The following EDN1 variants were observed in gnomAD, a reference collection of about 807,000 sequenced individuals.
The protein encoded by EDN1 is endothelin 1.
Under a neutral mutation model 21.7 loss-of-function variants are expected in EDN1, and 11 were observed. The ratio of observed to expected loss-of-function variants is 0.51; its 90% confidence interval spans 0.32 to 0.84. EDN1 has a LOEUF of 0.84. Among genes scored for constraint, EDN1 ranks in the 40% least tolerant of loss-of-function variants. The probability of loss-of-function intolerance (pLI) is 0.03; values close to 1 mark genes in which losing one functional copy is unlikely to be tolerated. For synonymous variants in EDN1, 85 were observed against 90.6 expected (o/e 0.94, Z 0.35); for missense variants, 244 against 262.3 (o/e 0.93, Z 0.48).
the EDN1 span, among the ~76,000 whole-genome samples, chr6:12,237,970 G>T: frequency 6.6e-6 from 1 of 152,072 alleles, no homozygotes; most frequent in East Asian, 1.9e-4. Flanking sequence ...AGGAGTTCAA[G>T]ACCAACCTGG....
chr6:12,234,379 G>A, the EDN1 span, among the ~76,000 whole-genome samples: 2 of 152,296 alleles, frequency 1.3e-5, no homozygotes, highest in African/African-American at 4.8e-5. Flanking sequence ...CCCCTTTCAT[G>A]GGGTGAATCC....
At position 12,290,429 on chromosome 6, in the gene EDN1, C is replaced by G; in HGVS notation, c.-201C>G. 1.7e-6 allele frequency: 1 copy of G among 598,722 alleles called. No homozygotes were observed. Among genetic ancestry groups the G allele is most frequent in the Non-Finnish European group, 3.0e-6 (1 of 337,462 alleles). 37.1% of individuals were successfully genotyped at this position (598,722 alleles called of 1,614,324 possible). ...TCCTGCAGTCCCAGCTCTCCACCGC[C>G]GCGTGCGCCTGCAGACGCTCCGCTC... On this transcript the variant is annotated 5_prime_UTR_variant, in exon 1 of 5. Coordinates refer to ENST00000379375, the MANE Select transcript of EDN1 (RefSeq NM_001955.5).
At chr6:12,283,197 G>A in the EDN1 span, among the ~76,000 whole-genome samples, 2 of 152,106 alleles carry the variant, frequency 1.3e-5, no homozygotes, top group African/African-American at 4.8e-5. Flanking sequence ...TTTGTCCTAC[G>A]AAGACAACCA....
chr6:12,258,448 T>TA, the EDN1 span, among the ~76,000 whole-genome samples: 13 of 27,742 alleles, frequency 4.7e-4, no homozygotes, highest in African/African-American at 6.1e-4. Context: ...AGATCATGTC[T>TA]CAAAAAAAAA....
rs1762835548 is a variant in EDN1 at position 12,296,723 on chromosome 6, C to G, written c.*656C>G. 6.5e-6 allele frequency: 1 copy of G among 153,044 alleles called. No homozygotes were observed. The highest frequency in any genetic ancestry group is 2.4e-5 in the African/African-American group (1 of 41,442). The allele number at this position is 153,044 out of a possible 1,614,324, so 9.5% of individuals were successfully genotyped here. On this transcript the variant is annotated 3_prime_UTR_variant, in exon 5 of 5. Coordinates refer to ENST00000379375, the MANE Select transcript of EDN1 (RefSeq NM_001955.5). ...CAAACTCTTCCCACCCCTGCTGCCC[C>G]TTCCTCCATCCCCCATACTAAATCC...
In EDN1 at chr6:12,295,998, T is replaced by G. The variant is rs776454893; in HGVS notation, c.570T>G (p.Phe190Leu). The change falls in exon 5 of 5, where the codon TTT becomes TTG. Residue 190 changes from phenylalanine to leucine, a missense_variant. By Grantham distance (22) the Phe-to-Leu change is conservative. Transcript: ENST00000379375. ...TGAGAAACAGCGTCAAATCATCTTT[T>G]CATGATCCCAAGCTGAAAGGCAAGC... is the stretch of plus-strand genomic sequence containing the variant. ...ETMRNSVKSS[F>L]HDPKLKGKPS... The G allele has an allele frequency of 9.9e-6, 16 of 1,614,010 alleles. No homozygotes were observed. The highest frequency in any genetic ancestry group is 1.6e-4 in the Middle Eastern group (1 of 6,084).
chr6:12,243,184 G>T, the EDN1 span, among the ~76,000 whole-genome samples: 1 of 152,036 alleles, frequency 6.6e-6, no homozygotes, highest in Non-Finnish European at 1.5e-5. Flanking sequence ...AAAAGAAAAT[G>T]TTATTTAAAA....
At chr6:12,263,950 T>C in the EDN1 span, among the ~76,000 whole-genome samples, 7 of 152,222 alleles carry the variant, frequency 4.6e-5, no homozygotes, top group Non-Finnish European at 1.0e-4. Context: ...AGTTCATGAA[T>C]TGTTATTTTG....
the EDN1 span, among the ~76,000 whole-genome samples, chr6:12,238,097 G>A: frequency 6.6e-5 from 10 of 151,536 alleles, no homozygotes; most frequent in South Asian, 8.3e-4. Context: ...ACTTGAACCC[G>A]GGAGGCAGAA....
the EDN1 span, among the ~76,000 whole-genome samples, chr6:12,264,239 G>T: frequency 6.6e-6 from 1 of 152,152 alleles, no homozygotes; most frequent in African/African-American, 2.4e-5. Flanking sequence ...TTGTGACTAG[G>T]AGCTTGGAGT....
At chr6:12,259,636 T>C in the EDN1 span, among the ~76,000 whole-genome samples, 2 of 151,836 alleles carry the variant, frequency 1.3e-5, no homozygotes, top group Non-Finnish European at 2.9e-5. Flanking sequence ...AATTAATCTT[T>C]CAGATAGACA....
At chr6:12,275,890 T>C in the EDN1 span, among the ~76,000 whole-genome samples, 4 of 151,682 alleles carry the variant, frequency 2.6e-5, no homozygotes, top group Non-Finnish European at 5.9e-5. Flanking sequence ...GTGCCGGGCA[T>C]GGTGGCTCAC....
the EDN1 span, among the ~76,000 whole-genome samples, chr6:12,237,007 G>C: frequency 3.0e-5 from 4 of 135,388 alleles, no homozygotes; most frequent in South Asian, 9.2e-4. Context: ...ACCGGTGTGT[G>C]ATGTTCCCCA....
chr6:12,255,802 A>C, the EDN1 span, among the ~76,000 whole-genome samples: 2 of 152,352 alleles, frequency 1.3e-5, no homozygotes, highest in South Asian at 4.1e-4. Context: ...AAAACAATTG[A>C]ATATCAGCTA....
chr6:12,234,097 C>G, the EDN1 span, among the ~76,000 whole-genome samples: 2 of 152,182 alleles, frequency 1.3e-5, no homozygotes, highest in Non-Finnish European at 2.9e-5. Context: ...GAAGTTGGCT[C>G]TTGTTAACAA....
the EDN1 span, among the ~76,000 whole-genome samples, chr6:12,261,059 T>A: frequency 6.6e-6 from 1 of 152,210 alleles, no homozygotes. Context: ...GAAATGTCAT[T>A]CAGATTTGTG....
At chr6:12,245,799 G>A in the EDN1 span, among the ~76,000 whole-genome samples, 132 of 152,322 alleles carry the variant, frequency 8.7e-4, 1 homozygote, top group African/African-American at 3.0e-3. Flanking sequence ...TGGAGATTTA[G>A]GCAGAAAGTG....
the EDN1 span, among the ~76,000 whole-genome samples, chr6:12,237,694 G>A: frequency 6.6e-6 from 1 of 152,072 alleles, no homozygotes; most frequent in African/African-American, 2.4e-5. Context: ...ATGCTATACA[G>A]ACACTGTTGT....
chr6:12,293,713 G>T (rs895679819), intron 2 of EDN1, among the ~76,000 whole-genome samples: 15 of 152,174 alleles, frequency 9.9e-5, no homozygotes, highest in African/African-American at 3.6e-4. Flanking sequence ...AGTTGAAATG[G>T]AATTCCACTG....
Sources: allele counts gnomAD v4.1 joint callset (sites outside exome capture counted in the v4.1 genomes callset), GRCh38; gene constraint gnomAD v4.1.1; transcripts MANE v1.5; gene names NCBI Gene and HGNC (gene_info 2026-07-23, HGNC 2026-07-21).